The following DPYSL5 variants were observed in gnomAD, a reference collection of about 807,000 sequenced individuals.
DPYSL5 encodes the protein dihydropyrimidinase-related protein 5.
Under a neutral mutation model 58.4 loss-of-function variants are expected in DPYSL5, and 9 were observed. The ratio of observed to expected loss-of-function variants is 0.15; its 90% confidence interval spans 0.09 to 0.27. The LOEUF (loss-of-function observed/expected upper bound fraction) is 0.27, where lower values mean the gene tolerates loss of function less well. Ranked by LOEUF, DPYSL5 falls within the 10% of genes least tolerant of loss-of-function variation. DPYSL5 has a pLI of 1.00. For synonymous variants in DPYSL5, 293 were observed against 301.9 expected, an observed-to-expected ratio of 0.97 and a Z score of 0.31; for missense variants, 499 against 770.6, an observed-to-expected ratio of 0.65 and a Z score of 4.17.
intron 1 of DPYSL5, among the ~76,000 whole-genome samples, chr2:26,896,367 C>T (rs530259071): frequency 2.6e-5 from 4 of 152,130 alleles, no homozygotes; most frequent in Non-Finnish European, 4.4e-5. Context: ...GATATCCCTT[C>T]GACATCTGAT....
At chr2:26,850,807 G>C (rs1047659855) in intron 1 of DPYSL5, among the ~76,000 whole-genome samples, 3 of 152,158 alleles carry the variant, frequency 2.0e-5, no homozygotes, top group African/African-American at 7.2e-5. Context: ...CTGGCCATAG[G>C]GAGTCAGCAG....
At chr2:26,883,303 T>G in intron 1 of DPYSL5, among the ~76,000 whole-genome samples, 1 of 152,214 alleles carries the variant, frequency 6.6e-6, no homozygotes, top group East Asian at 1.9e-4. Context: ...GCCATGGTTT[T>G]AGCACTAGAT....
At chr2:26,899,851 G>C (rs530515515) in intron 2 of DPYSL5, among the ~76,000 whole-genome samples, 1 of 152,282 alleles carries the variant, frequency 6.6e-6, no homozygotes, top group Non-Finnish European at 1.5e-5. Flanking sequence ...AGAGGTGGTA[G>C]GCCGACTCTC....
intron 1 of DPYSL5, among the ~76,000 whole-genome samples, chr2:26,878,092 T>C (rs1313654985): frequency 6.6e-6 from 1 of 152,254 alleles, no homozygotes; most frequent in Non-Finnish European, 1.5e-5. Context: ...GATGTTCAGA[T>C]TTCCTTCTGG....
At chr2:26,937,930 T>C (rs1037669293) in intron 8 of DPYSL5, among the ~76,000 whole-genome samples, 1 of 152,180 alleles carries the variant, frequency 6.6e-6, no homozygotes, top group Non-Finnish European at 1.5e-5. Context: ...GGCCTCAAAC[T>C]CCTGACCTCA....
rs1572726619 is a variant in DPYSL5 at position 26,947,308 on chromosome 2, A to C, written c.*313A>C. The C allele has an allele frequency of 4.3e-5, 10 of 235,056 alleles. No individual in the cohort carries two copies. The highest frequency in any genetic ancestry group is 1.9e-4 in the East Asian group (2 of 10,750). The allele number at this position is 235,056 out of a possible 1,614,324, so 14.6% of individuals were successfully genotyped here. A position where few individuals can be genotyped will look rare whatever the true frequency, so the allele number is the denominator to read the frequency against. On this transcript the variant is annotated 3_prime_UTR_variant, in exon 13 of 13. Coordinates refer to ENST00000288699, the MANE Select transcript of DPYSL5 (RefSeq NM_020134.4). This position sits in a 1 kb window ranked among gnomAD's most constrained non-coding sequence, Gnocchi z 4.2. ...AGAGCCCTGGCCAGCCCTTCCTCTC[A>C]CTCCTGCCTCCGCTGGCTTTGGGAA... is the stretch of plus-strand genomic sequence containing the variant.
At chr2:26,915,456 C>A (rs1324817750) in intron 2 of DPYSL5, among the ~76,000 whole-genome samples, 1 of 152,224 alleles carries the variant, frequency 6.6e-6, no homozygotes, top group Non-Finnish European at 1.5e-5. Context: ...CCAAACTCAG[C>A]ATGCCCTGGG....
chr2:26,903,501 C>G (rs986423692), intron 2 of DPYSL5, among the ~76,000 whole-genome samples: 13 of 151,580 alleles, frequency 8.6e-5, no homozygotes, highest in African/African-American at 2.7e-4. Context: ...CAGTCCCCAG[C>G]CCAGCCCAGC....
At position 26,905,364 on chromosome 2, in the gene DPYSL5, A is replaced by T. The variant is rs1412022220; in HGVS notation, c.261+6604A>T. On this transcript the variant is annotated intron_variant, in intron 2 of 12. Transcript: ENST00000288699. This position sits in a 1 kb window ranked among gnomAD's most constrained non-coding sequence, Gnocchi z 4.0. ...ACATATACAATAAATGCTAGTCCCC[A>T]GGCTGGGACTACCTGCTTCCACCCC... 6.6e-6 allele frequency among the ~76,000 whole-genome samples: 1 copy of T among 152,220 alleles called. No homozygotes were observed. Among genetic ancestry groups the T allele is most frequent in the Non-Finnish European group, 1.5e-5 (1 of 68,032 alleles).
chr2:26,916,763 C>G (rs977129505), intron 2 of DPYSL5, among the ~76,000 whole-genome samples: 1 of 152,152 alleles, frequency 6.6e-6, no homozygotes, highest in Non-Finnish European at 1.5e-5. Flanking sequence ...CCATCCGCAT[C>G]GAGGAATACT....
intron 12 of DPYSL5, among the ~76,000 whole-genome samples, chr2:26,946,211 C>G (rs1665477896): frequency 6.6e-6 from 1 of 152,216 alleles, no homozygotes; most frequent in Non-Finnish European, 1.5e-5. Flanking sequence ...AGGGCCCCTG[C>G]TGACCAGCAG....
chr2:26,852,372 C>A (rs954526116), intron 1 of DPYSL5, among the ~76,000 whole-genome samples: 1 of 152,028 alleles, frequency 6.6e-6, no homozygotes, highest in Non-Finnish European at 1.5e-5. Context: ...GTTGAAATAC[C>A]ATAACATGAA....
intron 1 of DPYSL5, among the ~76,000 whole-genome samples, chr2:26,852,966 C>G (rs1202159360): frequency 6.6e-6 from 1 of 152,134 alleles, no homozygotes; most frequent in African/African-American, 2.4e-5. Flanking sequence ...CTTTGATTCC[C>G]CATTTAATCT....
At position 26,942,806 on chromosome 2, in the gene DPYSL5, C is replaced by G; in HGVS notation, c.1440+56C>G. On this transcript the variant is annotated intron_variant, in intron 11 of 12. Transcript: ENST00000288699. This position sits in a 1 kb window ranked among gnomAD's most constrained non-coding sequence, Gnocchi z 5.9. ...TTGGCGCCCCCTGCCGGGGAACATCCTCCATGACTGTTTTAAATCTCAAAG... is the reference window on the plus strand; with the variant it reads ...TTGGCGCCCCCTGCCGGGGAACATCGTCCATGACTGTTTTAAATCTCAAAG... 1 of 1,571,332 alleles carries G rather than the reference C, an allele frequency of 6.4e-7. No homozygotes were observed. The highest frequency in any genetic ancestry group is 8.7e-7 in the Non-Finnish European group (1 of 1,145,640).
intron 2 of DPYSL5, among the ~76,000 whole-genome samples, chr2:26,907,443 C>T (rs1664324675): frequency 1.3e-5 from 2 of 152,164 alleles, no homozygotes; most frequent in African/African-American, 4.8e-5. Flanking sequence ...TAAAAAATCA[C>T]CTTGGCCCCC....
chr2:26,884,061 T>G (rs557194184), intron 1 of DPYSL5, among the ~76,000 whole-genome samples: 26 of 152,110 alleles, frequency 1.7e-4, no homozygotes, highest in Non-Finnish European at 3.2e-4. Context: ...GCAGCTGCCA[T>G]CCTTCCAGGG....
intron 1 of DPYSL5, among the ~76,000 whole-genome samples, chr2:26,887,110 AG>A (rs1663738545): frequency 6.6e-6 from 1 of 152,230 alleles, no homozygotes; most frequent in Admixed American, 6.5e-5. Flanking sequence ...GTCACATGAC[AG>A]TGTTTTTGAT....
chr2:26,853,752 C>G (rs1665811669), intron 1 of DPYSL5, among the ~76,000 whole-genome samples: 1 of 152,188 alleles, frequency 6.6e-6, no homozygotes, highest in Admixed American at 6.5e-5. Flanking sequence ...TCAGGGAAAA[C>G]TCAGTTTTTC....
At position 26,944,214 on chromosome 2, in the gene DPYSL5, G is replaced by T. The variant is rs1355570529; in HGVS notation, c.1441-442G>T. On this transcript the variant is annotated intron_variant, in intron 11 of 12. Transcript: ENST00000288699. The surrounding 1 kb of genome is among the most constrained non-coding windows in gnomAD (Gnocchi z 4.4). ...TGAGGCAGGAGAATCACTTTGCGGGGGCGGAGGTTGCAGTGAGCCAAGATC... is the reference window on the plus strand; with the variant it reads ...TGAGGCAGGAGAATCACTTTGCGGGTGCGGAGGTTGCAGTGAGCCAAGATC... Among the ~76,000 whole-genome samples, 2 of 152,102 alleles carry T rather than the reference G, an allele frequency of 1.3e-5. No individual in the cohort carries two copies. The highest frequency in any genetic ancestry group is 2.9e-5 in the Non-Finnish European group (2 of 68,014).
Sources: gnomAD v4.1 joint callset for allele counts (sites outside exome capture counted in the v4.1 genomes callset) on GRCh38, gnomAD v4.1.1 for gene constraint, Gnocchi (gnomAD v3.1) non-coding constraint, MANE v1.5 for transcripts, NCBI Gene and HGNC (gene_info 2026-07-23, HGNC 2026-07-21) for gene names.